Variants in CEP128 observed in about 807,000 individuals in gnomAD.
CEP128 encodes the protein centrosomal protein 128kDa.
CEP128 carries 132 observed loss-of-function variants against 156.7 expected under a neutral mutation model. That is an observed-to-expected ratio of 0.84 (90% CI 0.73 to 0.97). The LOEUF (loss-of-function observed/expected upper bound fraction) is 0.97. Among genes scored for constraint, CEP128 ranks in the 50% least tolerant of loss-of-function variants. CEP128 has a pLI of 0.00. For synonymous variants in CEP128, 469 were observed against 448.9 expected, an observed-to-expected ratio of 1.04 and a Z score of -0.57; for missense variants, 1,252 against 1,281.9, an observed-to-expected ratio of 0.98 and a Z score of 0.36.
intron 9 of CEP128, among the ~76,000 whole-genome samples, chr14:80,847,133 T>C (rs1244386484): frequency 2.0e-5 from 3 of 152,016 alleles, no homozygotes; most frequent in Non-Finnish European, 2.9e-5. Context: ...GGAAAAAATA[T>C]CTTTCACTGA....
intron 13 of CEP128, among the ~76,000 whole-genome samples, chr14:80,826,148 T>C (rs1035996477): frequency 6.6e-6 from 1 of 151,630 alleles, no homozygotes; most frequent in Non-Finnish European, 1.5e-5. Flanking sequence ...ATAGTCATCT[T>C]TGTGAAAAAT....
chr14:80,707,494 G>A (rs1189950321), intron 19 of CEP128, among the ~76,000 whole-genome samples: 1 of 152,092 alleles, frequency 6.6e-6, no homozygotes, highest in Non-Finnish European at 1.5e-5. Flanking sequence ...AAGGAGTTTT[G>A]GGGACTTTTT....
At chr14:80,917,888 TTAAATGAAA>T (rs200863489) in intron 2 of CEP128, among the ~76,000 whole-genome samples, 2 of 152,344 alleles carry the variant, frequency 1.3e-5, no homozygotes, top group South Asian at 2.1e-4. Flanking sequence ...TAGGTTTTTT[TTAAATGAAA>T]TACAGTCTGT....
upstream of CEP128, among the ~76,000 whole-genome samples, chr14:80,944,851 A>AAAAAAAC (rs1566731099): frequency 4.8e-4 from 51 of 106,246 alleles, no homozygotes; most frequent in African/African-American, 1.5e-3. Context: ...AAAAAAAAAA[A>AAAAAAAC]AAAAAACAGA....
chr14:80,845,468 A>G (rs1263422534), intron 9 of CEP128, among the ~76,000 whole-genome samples: 3 of 152,186 alleles, frequency 2.0e-5, no homozygotes, highest in Non-Finnish European at 2.9e-5. Flanking sequence ...CCTCTCAAAA[A>G]GAGATGCATA....
intron 8 of CEP128, 88 bp downstream of exon 8, chr14:80,895,630 A>T: frequency 1.2e-6 from 1 of 853,658 alleles, no homozygotes; most frequent in Non-Finnish European, 1.7e-6. Flanking sequence ...CCAAAAGGTT[A>T]AACTCTACTA....
chr14:80,747,892 G>GCAAAAC (rs1899185748), intron 18 of CEP128, among the ~76,000 whole-genome samples: 1 of 152,174 alleles, frequency 6.6e-6, no homozygotes, highest in Non-Finnish European at 1.5e-5. Context: ...TGATGGCTAA[G>GCAAAAC]GCGTCCTGAT....
chr14:80,782,822 T>C (rs1270731911), intron 15 of CEP128, among the ~76,000 whole-genome samples: 3 of 152,354 alleles, frequency 2.0e-5, no homozygotes, highest in South Asian at 2.1e-4. Flanking sequence ...CTCTTGATTA[T>C]AACTTTCTTA....
In CEP128 at chr14:80,670,563, A is replaced by C. The variant is rs142520594; in HGVS notation, c.2806+72512T>G. On this transcript the variant is annotated intron_variant, in intron 19 of 24. Coordinates refer to ENST00000555265, the MANE Select transcript of CEP128 (RefSeq NM_152446.5). Reference sequence around the variant, plus strand: ...CAAATACTACATGTTCTCACTTGTAAGTGGGAGCTAAATAATGTGTACACA... The same window carrying C: ...CAAATACTACATGTTCTCACTTGTACGTGGGAGCTAAATAATGTGTACACA... 6.7e-3 allele frequency among the ~76,000 whole-genome samples: 1,028 copies of C among 152,304 alleles called. 10 individuals are homozygous for C. Among genetic ancestry groups the C allele is most frequent in the Middle Eastern group, 0.014 (4 of 294 alleles).
At chr14:80,894,367 A>G (rs1451822429) in intron 8 of CEP128, among the ~76,000 whole-genome samples, 1 of 151,986 alleles carries the variant, frequency 6.6e-6, no homozygotes, top group Non-Finnish European at 1.5e-5. Context: ...TTTAGTATGT[A>G]AATCAGGCAA....
intron 16 of CEP128, among the ~76,000 whole-genome samples, chr14:80,769,981 G>T (rs1209473190): frequency 6.6e-6 from 1 of 152,178 alleles, no homozygotes; most frequent in East Asian, 1.9e-4. Context: ...TCAACCAATG[G>T]TATACACCAT....
intron 19 of CEP128, among the ~76,000 whole-genome samples, chr14:80,738,519 C>T (rs915726558): frequency 3.9e-5 from 6 of 152,076 alleles, no homozygotes; most frequent in South Asian, 2.1e-4. Flanking sequence ...CTAAGTCATA[C>T]AGTAGTCTCC....
intron 9 of CEP128, among the ~76,000 whole-genome samples, chr14:80,854,615 A>T (rs1887056481): frequency 6.6e-6 from 1 of 152,162 alleles, no homozygotes; most frequent in Non-Finnish European, 1.5e-5. Flanking sequence ...GAAAAAAATC[A>T]GCCATGTAAA....
At chr14:80,677,628 T>TAA (rs776302047) in intron 19 of CEP128, among the ~76,000 whole-genome samples, 2 of 149,346 alleles carry the variant, frequency 1.3e-5, no homozygotes, top group Non-Finnish European at 3.0e-5. Context: ...GCTACTTAGT[T>TAA]AAAAAAAAAA....
intron 6 of CEP128, among the ~76,000 whole-genome samples, chr14:80,900,864 T>A (rs775636228): frequency 6.6e-6 from 1 of 152,168 alleles, no homozygotes; most frequent in Non-Finnish European, 1.5e-5. Flanking sequence ...TCAGGATATG[T>A]ATGAAGTCAG....
chr14:80,879,679 C>T (rs1888439494), intron 8 of CEP128, among the ~76,000 whole-genome samples: 1 of 151,900 alleles, frequency 6.6e-6, no homozygotes. Context: ...AGAGTAAAGA[C>T]TTATAAAAAA....
chr14:80,480,602 C>T (rs1475720889), intron 14 of CEP128, among the ~76,000 whole-genome samples: 1 of 152,142 alleles, frequency 6.6e-6, no homozygotes. Context: ...TCTGACATGG[C>T]CTGGAGATAT....
intron 19 of CEP128, among the ~76,000 whole-genome samples, chr14:80,712,767 T>A (rs1461813738): frequency 6.6e-6 from 1 of 152,044 alleles, no homozygotes; most frequent in Non-Finnish European, 1.5e-5. Flanking sequence ...AATAAGCCTA[T>A]CTCTTTCAGA....
intron 19 of CEP128, among the ~76,000 whole-genome samples, chr14:80,727,223 C>T (rs1311464054): frequency 6.6e-6 from 1 of 152,058 alleles, no homozygotes; most frequent in African/African-American, 2.4e-5. Context: ...TTCTACCTAG[C>T]AGAGAGGGGA....
Sources: gnomAD v4.1 joint callset for allele counts (sites outside exome capture counted in the v4.1 genomes callset) on GRCh38, gnomAD v4.1.1 for gene constraint, MANE v1.5 for transcripts, NCBI Gene and HGNC (gene_info 2026-07-23, HGNC 2026-07-21) for gene names.